Variants in DPP10 observed in about 807,000 individuals in gnomAD.
The protein encoded by DPP10 is dipeptidyl peptidase like 10.
In DPP10, 33 loss-of-function variants were observed where a neutral mutation model predicts 120.9. The observed-to-expected ratio is 0.27, with a 90% confidence interval of 0.21 to 0.37. The LOEUF (loss-of-function observed/expected upper bound fraction) is 0.37, where lower values mean the gene tolerates loss of function less well. DPP10 is among the 10% of genes least tolerant of loss of function. The pLI is 1.00. For synonymous variants in DPP10, 337 were observed against 326.1 expected (o/e 1.03, Z -0.36); for missense variants, 816 against 942.8 (o/e 0.87, Z 1.76).
rs576046785 is a variant in DPP10, at chr2:114,578,108, AT to A, written c.60+135271del. 2.6e-4 allele frequency among the ~76,000 whole-genome samples: 40 copies of A among 152,320 alleles called. 1 individual carries two copies. Among genetic ancestry groups the A allele is most frequent in the African/African-American group, 8.9e-4 (37 of 41,568 alleles). On this transcript the variant is annotated intron_variant, in intron 1 of 25. Coordinates refer to ENST00000410059, the MANE Select transcript of DPP10 (RefSeq NM_020868.6). The stretch of plus-strand genomic sequence containing the variant: ...CTAAGATAAATTGGCAAAAAACATA[AT>A]AGATCTACGGTAGATAACACAAAGG...
chr2:115,451,961 G>A (rs952095000), intron 3 of DPP10, among the ~76,000 whole-genome samples: 2 of 151,798 alleles, frequency 1.3e-5, no homozygotes, highest in Non-Finnish European at 2.9e-5. Context: ...CCCCCAAAAT[G>A]GAACTGGATA....
At chr2:115,661,201 A>G (rs7586561) in intron 5 of DPP10, among the ~76,000 whole-genome samples, 144,061 of 152,144 alleles carry the variant, frequency 0.95, 68,563 homozygotes, top group Non-Finnish European at 1. Context: ...CACCCGCCTC[A>G]GCCTCCCAAA....
chr2:114,617,314 A>G (rs995862261), intron 1 of DPP10, among the ~76,000 whole-genome samples: 1 of 152,126 alleles, frequency 6.6e-6, no homozygotes, highest in Non-Finnish European at 1.5e-5. Flanking sequence ...TGTAGTTAGT[A>G]GAAAACTGTC....
chr2:115,555,131 A>G (rs2080125949), intron 5 of DPP10, among the ~76,000 whole-genome samples: 1 of 152,120 alleles, frequency 6.6e-6, no homozygotes, highest in Admixed American at 6.6e-5. Flanking sequence ...TTCCAAATGG[A>G]TATTGATGGG....
At chr2:114,768,490 T>TAA (rs1680944065) in intron 1 of DPP10, among the ~76,000 whole-genome samples, 1 of 152,206 alleles carries the variant, frequency 6.6e-6, no homozygotes, top group Admixed American at 6.5e-5. Flanking sequence ...GGATCAGTGT[T>TAA]AAAGTGTTTT....
intron 1 of DPP10, among the ~76,000 whole-genome samples, chr2:115,083,395 T>G (rs916243836): frequency 3.3e-5 from 5 of 152,234 alleles, no homozygotes; most frequent in African/African-American, 1.2e-4. Context: ...TCCCAAAGTA[T>G]GTAACTGCGT....
At chr2:114,784,212 C>G (rs1682575727) in intron 1 of DPP10, among the ~76,000 whole-genome samples, 1 of 152,048 alleles carries the variant, frequency 6.6e-6, no homozygotes, top group African/African-American at 2.4e-5. Context: ...TGGCTTTCTT[C>G]CCATTCATTT....
intron 1 of DPP10, among the ~76,000 whole-genome samples, chr2:114,885,517 T>C (rs931335286): frequency 1.3e-5 from 2 of 152,176 alleles, no homozygotes; most frequent in African/African-American, 2.4e-5. Flanking sequence ...TTAAAGAGCA[T>C]GGGAAGAAAC....
chr2:115,326,008 T>C (rs747256817), intron 2 of DPP10, among the ~76,000 whole-genome samples: 2 of 152,168 alleles, frequency 1.3e-5, no homozygotes, highest in Non-Finnish European at 2.9e-5. Context: ...AATTGCAGTG[T>C]AAAATCTGAA....
chr2:114,578,124 T>C (rs1403029710), intron 1 of DPP10, among the ~76,000 whole-genome samples: 2 of 152,180 alleles, frequency 1.3e-5, no homozygotes, highest in East Asian at 3.9e-4. Context: ...CTACGGTAGA[T>C]AACACAAAGG....
chr2:115,035,394 T>G (rs1449319064), intron 1 of DPP10, among the ~76,000 whole-genome samples: 1 of 152,220 alleles, frequency 6.6e-6, no homozygotes, highest in Admixed American at 6.5e-5. Context: ...CAATATCATA[T>G]TTTTACAATA....
At chr2:115,557,619 G>T (rs1210245278) in intron 5 of DPP10, among the ~76,000 whole-genome samples, 2 of 152,192 alleles carry the variant, frequency 1.3e-5, no homozygotes, top group Non-Finnish European at 2.9e-5. Flanking sequence ...CTGACTTTAA[G>T]ATTTGTGGGC....
At chr2:114,804,577 G>A (rs998206627) in intron 1 of DPP10, among the ~76,000 whole-genome samples, 5 of 152,212 alleles carry the variant, frequency 3.3e-5, no homozygotes, top group African/African-American at 1.2e-4. Flanking sequence ...GAGACCTGGA[G>A]TCAAATGAGA....
At chr2:115,191,596 T>G (rs1378151261) in intron 1 of DPP10, among the ~76,000 whole-genome samples, 2 of 152,206 alleles carry the variant, frequency 1.3e-5, no homozygotes, top group Non-Finnish European at 2.9e-5. Flanking sequence ...TTCTTAGCTT[T>G]AGTTTGGTAG....
chr2:115,207,444 A>AAAAAAAAAAAG (rs1194433758), intron 1 of DPP10, among the ~76,000 whole-genome samples: 3 of 136,832 alleles, frequency 2.2e-5, no homozygotes, highest in African/African-American at 8.5e-5. Flanking sequence ...AAAAAAAAAA[A>AAAAAAAAAAAG]AAGCTTTCTC....
chr2:114,609,389 G>A (rs915086424), intron 1 of DPP10, among the ~76,000 whole-genome samples: 2 of 152,118 alleles, frequency 1.3e-5, no homozygotes, highest in African/African-American at 4.8e-5. Context: ...CAATTCATTT[G>A]CAGATTCCCA....
At chr2:115,506,484 C>T (rs2076948012) in intron 4 of DPP10, among the ~76,000 whole-genome samples, 1 of 151,950 alleles carries the variant, frequency 6.6e-6, no homozygotes, top group Admixed American at 6.6e-5. Flanking sequence ...TTCTTGACTC[C>T]TAATCCATTG....
chr2:115,281,954 T>C (rs1386531608), intron 1 of DPP10, among the ~76,000 whole-genome samples: 6 of 152,120 alleles, frequency 3.9e-5, no homozygotes, highest in African/African-American at 1.4e-4. Flanking sequence ...ACATATGTAC[T>C]TAAAAATTAC....
chr2:114,586,290 C>CACATTGTTTT (rs1240178914), intron 1 of DPP10, among the ~76,000 whole-genome samples: 2 of 152,086 alleles, frequency 1.3e-5, no homozygotes, highest in Non-Finnish European at 2.9e-5. Context: ...ACAAAATACC[C>CACATTGTTTT]ACATTGTTTT....
Sources: gnomAD v4.1 joint callset for allele counts (sites outside exome capture counted in the v4.1 genomes callset) on GRCh38, gnomAD v4.1.1 for gene constraint, MANE v1.5 for transcripts, NCBI Gene and HGNC (gene_info 2026-07-23, HGNC 2026-07-21) for gene names.